The following PTPRT variants were observed in gnomAD, a reference collection of about 807,000 sequenced individuals.
PTPRT encodes protein tyrosine phosphatase receptor type T, also known as receptor-type tyrosine-protein phosphatase T.
A neutral mutation model predicts 176.8 loss-of-function variants in PTPRT; 56 were observed. The ratio of observed to expected loss-of-function variants is 0.32; its 90% confidence interval spans 0.26 to 0.40. PTPRT has a LOEUF of 0.40. Ranked by LOEUF, PTPRT falls within the 10% of genes least tolerant of loss-of-function variation. PTPRT has a pLI of 1.00. For missense variants in PTPRT, 1,540 were observed against 1,908.2 expected, an observed-to-expected ratio of 0.81 and a Z score of 3.60; for synonymous variants, 783 against 739.0, an observed-to-expected ratio of 1.06 and a Z score of -0.96.
At position 43,067,652 on chromosome 20, in the gene PTPRT, A is replaced by G. The variant is rs191104294; in HGVS notation, c.88+121994T>C. ...TCGGATGACTGTTGGGTACCTGAGA[A>G]GAGGGTGGCAACAAATTAGAAACAA... On this transcript the variant is annotated intron_variant, in intron 1 of 30. Coordinates refer to ENST00000373187, the MANE Select transcript of PTPRT (RefSeq NM_007050.6). Among the ~76,000 whole-genome samples, 534 of 151,958 alleles carry G rather than the reference A, an allele frequency of 3.5e-3. 1 individual carries two copies. Among genetic ancestry groups the G allele is most frequent in the Non-Finnish European group, 5.9e-3 (401 of 67,990 alleles).
chr20:42,358,216 C>CTT lies in PTPRT; in HGVS notation c.1561-5933_1561-5932dup, dbSNP rs796348212. 7.2e-3 allele frequency among the ~76,000 whole-genome samples: 1,034 copies of CTT among 143,860 alleles called. 10 individuals are homozygous for CTT. The highest frequency in any genetic ancestry group is 0.012 in the Non-Finnish European group (751 of 65,232). The allele number at this position is 143,860 out of a possible 152,430, so 94.4% of individuals were successfully genotyped here. On this transcript the variant is annotated intron_variant, in intron 9 of 30. Transcript: ENST00000373187. Reference sequence around the variant, plus strand: ...TTGTATGAGGGGTATAAAACTCTCTCTTTTTTTTTTTTTACAGTTTCTCTG... The same window carrying CTT: ...TTGTATGAGGGGTATAAAACTCTCTCTTTTTTTTTTTTTTTACAGTTTCTCTG...
At chr20:42,239,708 C>A (rs939118004) in intron 14 of PTPRT, among the ~76,000 whole-genome samples, 2 of 152,050 alleles carry the variant, frequency 1.3e-5, no homozygotes, top group African/African-American at 4.8e-5. Flanking sequence ...AGGCATGAAC[C>A]GCCGTGCCCA....
chr20:42,032,433 T>A, the PTPRT span, among the ~76,000 whole-genome samples: 2 of 152,182 alleles, frequency 1.3e-5, no homozygotes, highest in Non-Finnish European at 2.9e-5. Flanking sequence ...CCATGATGTT[T>A]AGCAAGTCAC....
chr20:43,031,670 G>C (rs1986143641), intron 1 of PTPRT, among the ~76,000 whole-genome samples: 3 of 152,134 alleles, frequency 2.0e-5, no homozygotes. Context: ...AGCAGTGTCT[G>C]ACTCAGAGCC....
intron 2 of PTPRT, among the ~76,000 whole-genome samples, chr20:42,843,261 C>T (rs1015278357): frequency 1.3e-5 from 2 of 152,188 alleles, no homozygotes; most frequent in Admixed American, 1.3e-4. Context: ...GGTAAAGAAG[C>T]AATTACACAG....
intron 9 of PTPRT, among the ~76,000 whole-genome samples, chr20:42,366,710 G>A (rs917307721): frequency 1.3e-5 from 2 of 152,250 alleles, no homozygotes; most frequent in African/African-American, 2.4e-5. Flanking sequence ...GAGCACTGGA[G>A]TCATAGAAGA....
At chr20:43,082,168 C>T (rs528564756) in intron 1 of PTPRT, among the ~76,000 whole-genome samples, 2 of 152,198 alleles carry the variant, frequency 1.3e-5, no homozygotes, top group Admixed American at 1.3e-4. Flanking sequence ...TCACATATTG[C>T]CTGATCTTTT....
chr20:42,392,184 T>G lies in PTPRT; in HGVS notation c.1561-39899A>C, dbSNP rs145625559. ...GCTAATTCCAGGAAAAAATGTTACT[T>G]AAACTCACTCAGTTCTAACACATAT... is the stretch of plus-strand genomic sequence containing the variant. On this transcript the variant is annotated intron_variant, in intron 9 of 30. Transcript: ENST00000373187. Among the ~76,000 whole-genome samples, 347 of 152,356 alleles carry G rather than the reference T, an allele frequency of 2.3e-3. 2 individuals carry two copies. Among genetic ancestry groups the G allele is most frequent in the Admixed American group, 3.4e-3 (52 of 15,304 alleles).
intron 1 of PTPRT, among the ~76,000 whole-genome samples, chr20:42,896,191 T>G (rs1480128820): frequency 1.3e-5 from 2 of 151,710 alleles, no homozygotes; most frequent in African/African-American, 4.9e-5. Context: ...GCACTCAGCG[T>G]CAGATCAGGG....
At chr20:42,061,355 A>C in the PTPRT span, among the ~76,000 whole-genome samples, 1 of 152,244 alleles carries the variant, frequency 6.6e-6, no homozygotes, top group East Asian at 1.9e-4. Context: ...ATATTATTAG[A>C]ATGAGCCCGC....
At chr20:42,664,477 CTTTA>C (rs934987495) in intron 7 of PTPRT, among the ~76,000 whole-genome samples, 16 of 152,004 alleles carry the variant, frequency 1.1e-4, no homozygotes, top group Admixed American at 5.2e-4. Flanking sequence ...ATGATATTTT[CTTTA>C]TTTTTTTCTA....
chr20:42,148,922 T>C (rs1462231797), intron 17 of PTPRT, among the ~76,000 whole-genome samples: 1 of 152,168 alleles, frequency 6.6e-6, no homozygotes, highest in East Asian at 1.9e-4. Context: ...TCATACCACT[T>C]CCCAGTGTGT....
At chr20:42,526,722 T>A (rs985741974) in intron 7 of PTPRT, among the ~76,000 whole-genome samples, 24 of 152,106 alleles carry the variant, frequency 1.6e-4, no homozygotes, top group African/African-American at 5.8e-4. Context: ...TTATTACCAA[T>A]CTCTGATTGA....
chr20:42,425,828 C>A (rs543399732), intron 9 of PTPRT, among the ~76,000 whole-genome samples: 1 of 152,138 alleles, frequency 6.6e-6, no homozygotes, highest in Non-Finnish European at 1.5e-5. Context: ...CAGCAAACAG[C>A]CAGTGGATGA....
chr20:42,108,594 C>CAAAT (rs1335576173), intron 23 of PTPRT, among the ~76,000 whole-genome samples: 3 of 152,072 alleles, frequency 2.0e-5, no homozygotes, highest in Non-Finnish European at 4.4e-5. Flanking sequence ...TTATATTCAA[C>CAAAT]AAATATTTAT....
At chr20:42,280,253 T>C (rs1327381989) in intron 13 of PTPRT, among the ~76,000 whole-genome samples, 1 of 152,132 alleles carries the variant, frequency 6.6e-6, no homozygotes, top group Non-Finnish European at 1.5e-5. Flanking sequence ...CTAAGCATAG[T>C]ACCAGGCACC....
chr20:42,648,813 TGTC>T (rs764638574), intron 7 of PTPRT, among the ~76,000 whole-genome samples: 1 of 129,574 alleles, frequency 7.7e-6, no homozygotes. Context: ...TTTTTTTTGG[TGTC>T]GTTGTTTTTT....
At chr20:42,256,531 AC>A (rs2056643311) in intron 13 of PTPRT, among the ~76,000 whole-genome samples, 1 of 151,874 alleles carries the variant, frequency 6.6e-6, no homozygotes, top group South Asian at 2.1e-4. Context: ...CAGATACTTT[AC>A]GCTAGTGTGA....
intron 1 of PTPRT, among the ~76,000 whole-genome samples, chr20:43,083,657 C>G (rs1439115617): frequency 2.0e-5 from 3 of 151,918 alleles, no homozygotes; most frequent in Non-Finnish European, 4.4e-5. Flanking sequence ...CCGCACCCAG[C>G]CTTAAATGTA....
Sources: allele counts gnomAD v4.1 joint callset (sites outside exome capture counted in the v4.1 genomes callset), GRCh38; gene constraint gnomAD v4.1.1; transcripts MANE v1.5; gene names NCBI Gene and HGNC (gene_info 2026-07-23, HGNC 2026-07-21).